The following DNPEP variants were observed in gnomAD, a reference collection of about 807,000 sequenced individuals.
DNPEP encodes the protein aspartyl aminopeptidase.
Under a neutral mutation model 59.1 loss-of-function variants are expected in DNPEP, and 46 were observed. The ratio of observed to expected loss-of-function variants is 0.78; its 90% CI spans 0.61 to 0.99. The LOEUF (loss-of-function observed/expected upper bound fraction) is 0.99. Among genes scored for constraint, DNPEP ranks in the 50% least tolerant of loss-of-function variants. DNPEP has a pLI of 0.00. For synonymous variants in DNPEP, 229 were observed against 242.2 expected (o/e 0.95, Z 0.50); for missense variants, 617 against 649.9 (o/e 0.95, Z 0.55).
chr2:219,379,877 C>CA (rs1480430030), intron 13 of DNPEP, among the ~76,000 whole-genome samples: 1 of 151,946 alleles, frequency 6.6e-6, no homozygotes. Context: ...GAGATCGTGC[C>CA]ACTGCACTCC....
chr2:219,379,198 T>G (rs909047836), intron 13 of DNPEP, among the ~76,000 whole-genome samples: 9 of 151,942 alleles, frequency 5.9e-5, no homozygotes, highest in Non-Finnish European at 5.9e-5. Context: ...ATTACAGGCA[T>G]GAGCCACGAT....
rs78265865 is a variant in DNPEP, at chr2:219,382,144, C to T, written c.937-5G>A. ...CTGTGCACTCTCAGACCCCACCTGG[C>T]GACAGTAGAGTCCTGACTCTGGGAA... is the stretch of plus-strand genomic sequence containing the variant. On this transcript the variant is annotated splice_region_variant and splice_polypyrimidine_tract_variant and intron_variant, in intron 10 of 14. Coordinates refer to ENST00000273075, the MANE Select transcript of DNPEP (RefSeq NM_012100.4). 336 of 1,607,598 alleles carry T rather than the reference C, an allele frequency of 2.1e-4. 2 individuals carry two copies. In the East Asian group the frequency reaches 6.3e-3, roughly 30 times the overall value.
At chr2:219,393,205 A>G (rs1954045856), upstream of DNPEP, among the ~76,000 whole-genome samples, 1 of 152,238 alleles carries the variant, frequency 6.6e-6, no homozygotes, top group Non-Finnish European at 1.5e-5. Context: ...AAAGTTTACA[A>G]ATATGTGTTG....
At chr2:219,399,960 G>A in exon 1 of DNPEP, 1 of 1,532,406 alleles carries the variant, frequency 6.5e-7, no homozygotes, top group Non-Finnish European at 8.8e-7. Flanking sequence ...GGCTGGAGTG[G>A]ACAGGCCTGA....
At chr2:219,382,836 T>C (rs55795821) in intron 10 of DNPEP, among the ~76,000 whole-genome samples, 150,510 of 152,322 alleles carry the variant, frequency 0.99, 74,387 homozygotes, top group East Asian at 1. Context: ...GCAGGCATCA[T>C]GAGGACCTAC....
At chr2:219,387,916 G>T, upstream of DNPEP, 1 of 1,338,174 alleles carries the variant, frequency 7.5e-7, no homozygotes. Flanking sequence ...ACGCTTCCCC[G>T]GCCGCGCCGC....
intron 2 of DNPEP, 34 bp from the exon 3 acceptor site, chr2:219,387,014 G>A (rs1251457296): frequency 6.2e-7 from 1 of 1,613,684 alleles, no homozygotes; most frequent in Non-Finnish European, 8.5e-7. Context: ...AGCGATGGAA[G>A]CTGGTGAAGG....
intron 1 of DNPEP, chr2:219,399,866 C>T: frequency 6.4e-7 from 1 of 1,550,528 alleles, no homozygotes; most frequent in Non-Finnish European, 8.7e-7. Flanking sequence ...CCCCGGTTAC[C>T]TTGTGGTAGC....
chr2:219,382,983 G>A (rs181194076), intron 10 of DNPEP, 148 bp downstream of exon 10: 1 of 629,018 alleles, frequency 1.6e-6, no homozygotes, highest in Admixed American at 2.7e-5. Flanking sequence ...TTGAGTCAGA[G>A]GAGACACCAA....
chr2:219,387,339 T>C, intron 1 of DNPEP, 176 bp from the exon 2 acceptor site: 1 of 1,437,328 alleles, frequency 7.0e-7, no homozygotes, highest in Non-Finnish European at 9.1e-7. Flanking sequence ...CGTTGAAAGC[T>C]TCAGCCCGCC....
upstream of DNPEP, chr2:219,388,556 C>A: frequency 3.4e-6 from 1 of 297,110 alleles, no homozygotes; most frequent in Non-Finnish European, 5.0e-6. Context: ...TAGGCCCCGC[C>A]CTGCACCCCC....
intron 1 of DNPEP, among the ~76,000 whole-genome samples, chr2:219,394,283 G>A (rs1954062171): frequency 6.6e-6 from 1 of 152,144 alleles, no homozygotes; most frequent in Non-Finnish European, 1.5e-5. Flanking sequence ...AGTCCCCATT[G>A]TCGTTGACCC....
chr2:219,386,733 C>CG lies in DNPEP; in HGVS notation c.264_265insC (p.Gly89ArgfsTer53). The CG allele has an allele frequency of 6.2e-7, 1 of 1,613,062 alleles. No homozygotes were observed. Among genetic ancestry groups the CG allele is most frequent in the Non-Finnish European group, 8.5e-7 (1 of 1,179,664 alleles). ...CCATTGCCAGGAACGTACTGGCCCCCTACAGCAAAAGCTATGATGGTGGAG... is the reference window on the plus strand; with the variant it reads ...CCATTGCCAGGAACGTACTGGCCCCCGTACAGCAAAAGCTATGATGGTGGAG... On this transcript the variant is annotated frameshift_variant, in exon 4 of 15. Coordinates refer to ENST00000273075, the MANE Select transcript of DNPEP (RefSeq NM_012100.4). LOFTEE classifies it high-confidence loss of function.
chr2:219,381,526 G>A lies in DNPEP; in HGVS notation c.1137+19C>T. On this transcript the variant is annotated intron_variant, in intron 12 of 14. Transcript: ENST00000273075. ...ACAGCCAGACCTCCAAGTCCCTAGG[G>A]AGAAATGGCACGTCTCACCTTGTGG... The A allele has an allele frequency of 1.9e-6, 3 of 1,614,206 alleles. No homozygotes were observed. Among genetic ancestry groups the A allele is most frequent in the Non-Finnish European group, 2.5e-6 (3 of 1,180,024 alleles).
At chr2:219,398,406 C>G (rs1954132333) in intron 1 of DNPEP, among the ~76,000 whole-genome samples, 1 of 152,170 alleles carries the variant, frequency 6.6e-6, no homozygotes, top group Non-Finnish European at 1.5e-5. Context: ...TCCCAGCACT[C>G]TGGGAGGCCA....
rs376334439 is a variant in DNPEP at position 219,386,475 on chromosome 2, C to T, written c.334-64G>A. The T allele has an allele frequency of 5.6e-6, 9 of 1,606,256 alleles. No homozygotes were observed. The South Asian group carries it at 1.0e-4, about 18-fold the overall frequency. ...ACGATATGTGGAGATGAGACTTTGG[C>T]TACTCATAAGTAACAGACAGCGAAT... On this transcript the variant is annotated intron_variant, in intron 4 of 14. Coordinates refer to ENST00000273075, the MANE Select transcript of DNPEP (RefSeq NM_012100.4).
At chr2:219,395,796 T>C (rs2125153423) in intron 1 of DNPEP, among the ~76,000 whole-genome samples, 1 of 152,326 alleles carries the variant, frequency 6.6e-6, no homozygotes, top group South Asian at 2.1e-4. Flanking sequence ...CTAGCGCCAG[T>C]GTCATCTCCT....
At chr2:219,397,089 T>G (rs973135127) in intron 1 of DNPEP, among the ~76,000 whole-genome samples, 1 of 152,236 alleles carries the variant, frequency 6.6e-6, no homozygotes, top group Non-Finnish European at 1.5e-5. Flanking sequence ...TTAGTGACAG[T>G]ATAACAAAGT....
At chr2:219,399,785 C>G in intron 1 of DNPEP, 4 of 1,161,240 alleles carry the variant, frequency 3.4e-6, no homozygotes, top group Non-Finnish European at 5.0e-6. Context: ...AATGCCTAAG[C>G]CAGTGCGTGG....
Sources: gnomAD v4.1 joint callset for allele counts (sites outside exome capture counted in the v4.1 genomes callset) on GRCh38, gnomAD v4.1.1 for gene constraint, MANE v1.5 for transcripts, NCBI Gene and HGNC (gene_info 2026-07-23, HGNC 2026-07-21) for gene names.